ASH1L: variants seen among roughly 807,000 people sequenced by gnomAD.
ASH1L encodes histone-lysine N-methyltransferase ASH1L.
In ASH1L, 23 loss-of-function variants were observed where a neutral mutation model predicts 269.0. That is an observed-to-expected ratio of 0.09 (90% CI 0.06 to 0.12). The LOEUF is 0.12. Ranked by LOEUF, ASH1L falls within the 10% of genes least tolerant of loss-of-function variation. The pLI is 1.00. For synonymous variants in ASH1L, 1,187 were observed against 1,253.5 expected (o/e 0.95, Z 1.12); for missense variants, 2,912 against 3,567.8 (o/e 0.82, Z 4.68).
intron 2 of ASH1L, among the ~76,000 whole-genome samples, chr1:155,513,579 A>AC (rs1265809696): frequency 2.6e-5 from 4 of 151,970 alleles, no homozygotes; most frequent in African/African-American, 9.7e-5. Flanking sequence ...ATCAAAAAAA[A>AC]AAAAAAAAAA....
chr1:155,376,846 C>T (rs935960964), intron 10 of ASH1L, among the ~76,000 whole-genome samples: 17 of 150,194 alleles, frequency 1.1e-4, no homozygotes, highest in African/African-American at 3.7e-4. Flanking sequence ...CAGAGCTAGA[C>T]TCCATCTCAG....
intron 2 of ASH1L, among the ~76,000 whole-genome samples, chr1:155,507,293 A>G (rs183705867): frequency 6.6e-6 from 1 of 152,286 alleles, no homozygotes; most frequent in East Asian, 1.9e-4. Context: ...AAAAAAAAAA[A>G]AACGCTTCAC....
chr1:155,470,614 C>T (rs1349260879), intron 3 of ASH1L, among the ~76,000 whole-genome samples: 1 of 146,140 alleles, frequency 6.8e-6, no homozygotes, highest in Non-Finnish European at 1.5e-5. Context: ...TGCAATGGTG[C>T]AATCTCGGCT....
intron 19 of ASH1L, among the ~76,000 whole-genome samples, chr1:155,348,799 TGAACCCG>T (rs1481118486): frequency 6.6e-6 from 1 of 151,878 alleles, no homozygotes; most frequent in East Asian, 1.9e-4. Context: ...GAGAATCGCT[TGAACCCG>T]GGAGGTGGAG....
intron 4 of ASH1L, among the ~76,000 whole-genome samples, chr1:155,456,887 C>T (rs1019656628): frequency 7.2e-5 from 11 of 152,166 alleles, no homozygotes; most frequent in East Asian, 1.9e-4. Flanking sequence ...CACCCCCCAC[C>T]GCCAAAAGGA....
intron 4 of ASH1L, among the ~76,000 whole-genome samples, chr1:155,455,036 G>C (rs1663776156): frequency 6.6e-6 from 1 of 152,084 alleles, no homozygotes; most frequent in Non-Finnish European, 1.5e-5. Context: ...AAACACTATT[G>C]AAGGGATTTA....
Position 155,479,483 on chromosome 1 carries a change from T to C in ASH1L, c.3387A>G (p.Glu1129=). Reference sequence around the variant, plus strand: ...AATGCAAATATGGCACTGAACTGGGTTCAACAAAACCTGCATCACTACTTA... The same window carrying C: ...AATGCAAATATGGCACTGAACTGGGCTCAACAAAACCTGCATCACTACTTA... ...SPVSSDAGFV[E]PSSVPYLHLH... The change falls in exon 3 of 28, where the codon GAA becomes GAG. Residue 1129 remains glutamate (E), a synonymous_variant. Coordinates refer to ENST00000392403, the MANE Select transcript of ASH1L (RefSeq NM_018489.3). The C allele has an allele frequency of 6.2e-7, 1 of 1,614,064 alleles. No individual in the cohort carries two copies. The highest frequency in any genetic ancestry group is 8.5e-7 in the Non-Finnish European group (1 of 1,179,990).
chr1:155,551,062 C>T (rs1259195602), intron 1 of ASH1L, among the ~76,000 whole-genome samples: 1 of 152,098 alleles, frequency 6.6e-6, no homozygotes, highest in African/African-American at 2.4e-5. Context: ...CTCAAGCAAT[C>T]CCCCCACCTC....
At chr1:155,341,377 C>T (rs969538020) in intron 25 of ASH1L, among the ~76,000 whole-genome samples, 8 of 152,090 alleles carry the variant, frequency 5.3e-5, no homozygotes, top group South Asian at 2.1e-4. Flanking sequence ...GGGGTTTCAC[C>T]GTGTTAGCCA....
At chr1:155,490,730 G>T (rs1266717292) in intron 2 of ASH1L, among the ~76,000 whole-genome samples, 1 of 151,906 alleles carries the variant, frequency 6.6e-6, no homozygotes, top group Non-Finnish European at 1.5e-5. Flanking sequence ...GCTGAGGCAG[G>T]AGGATTACTT....
intron 6 of ASH1L, among the ~76,000 whole-genome samples, chr1:155,405,417 A>T (rs1438413376): frequency 6.6e-6 from 1 of 152,002 alleles, no homozygotes; most frequent in Non-Finnish European, 1.5e-5. Flanking sequence ...AAGAGGGGGA[A>T]GTTGCAGTGA....
chr1:155,459,875 G>T lies in ASH1L; in HGVS notation c.5008C>A (p.Pro1670Thr). The change falls in exon 4 of 28, where the codon CCC becomes ACC. Residue 1670 changes from proline (P) to threonine (T), a missense_variant. Transcript: ENST00000392403. Reference sequence around the variant, plus strand: ...GTGCTCTCTGATGGCCGCTGGGAGGGTTTATCAGAGGTTGGCTGGGAGCCT... The same window carrying T: ...GTGCTCTCTGATGGCCGCTGGGAGGTTTTATCAGAGGTTGGCTGGGAGCCT... ...LAGSQPTSDKPSQRPSESTNC... is the reference protein window; with the variant it reads ...LAGSQPTSDKTSQRPSESTNC... The T allele has an allele frequency of 6.2e-7, 1 of 1,606,816 alleles. No homozygotes were observed. The highest frequency in any genetic ancestry group is 2.3e-5 in the East Asian group (1 of 44,440).
At position 155,479,377 on chromosome 1, in the gene ASH1L, T is replaced by A. The variant is rs199883908; in HGVS notation, c.3493A>T (p.Thr1165Ser). The A allele has an allele frequency of 6.2e-7, 1 of 1,614,128 alleles. No homozygotes were observed. Residue 1165 changes from threonine (T) to serine (S), a missense_variant, in exon 3 of 28, where the codon ACT (threonine) becomes TCT (serine). Thr to Ser is a moderately conservative substitution (Grantham distance 58, BLOSUM62 1). Coordinates refer to ENST00000392403, the MANE Select transcript of ASH1L (RefSeq NM_018489.3). ...SKGRRRLSPP[T>S]LLPNSPSHLS... The stretch of plus-strand genomic sequence containing the variant: ...TGCGAAGGAGAATTTGGCAACAAAG[T>A]AGGAGGAGATAACCGCCTCCTCCCC...
intron 12 of ASH1L, 113 bp from the exon 13 acceptor site, chr1:155,360,522 C>G (rs1654854039): frequency 1.6e-6 from 1 of 622,858 alleles, no homozygotes; most frequent in African/African-American, 1.9e-5. Context: ...TGGCTCACCG[C>G]AACCTCCGCT....
chr1:155,459,880 T>C lies in ASH1L; in HGVS notation c.5003A>G (p.Asp1668Gly). Residue 1668 changes from aspartate to glycine, a missense_variant, in exon 4 of 28, where the codon GAT becomes GGT. Coordinates refer to ENST00000392403, the MANE Select transcript of ASH1L (RefSeq NM_018489.3). ...CTCTGATGGCCGCTGGGAGGGTTTATCAGAGGTTGGCTGGGAGCCTGGAGA... is the reference window on the plus strand; with the variant it reads ...CTCTGATGGCCGCTGGGAGGGTTTACCAGAGGTTGGCTGGGAGCCTGGAGA... ...QTLAGSQPTS[D>G]KPSQRPSEST... The C allele has an allele frequency of 1.2e-6, 2 of 1,604,192 alleles. No individual in the cohort carries two copies. The highest frequency in any genetic ancestry group is 2.2e-5 in the South Asian group (2 of 89,026).
chr1:155,478,527 C>T lies in ASH1L; in HGVS notation c.4343G>A (p.Arg1448Gln), dbSNP rs144936221. The change falls in exon 3 of 28, where the codon CGA becomes CAA. Residue 1448 changes from arginine to glutamine, a missense_variant. Arg to Gln is a conservative substitution (Grantham distance 43). Coordinates refer to ENST00000392403, the MANE Select transcript of ASH1L (RefSeq NM_018489.3). The surrounding 1 kb of genome is among the most constrained non-coding windows in gnomAD (Gnocchi z 4.6). The part of the protein sequence containing the change: ...KYHKKKHKLL[R>Q]QEAFLTTSRT... ...GCTGGTTGTAAGAAAGGCCTCCTGT[C>T]GAAGTAGCTTATGCTTTTTCTTATG... 6.2e-7 allele frequency: 1 copy of T among 1,613,950 alleles called. No individual in the cohort carries two copies. Among genetic ancestry groups the T allele is most frequent in the Non-Finnish European group, 8.5e-7 (1 of 1,180,004 alleles).
At chr1:155,367,206 C>G (rs979765313) in intron 12 of ASH1L, among the ~76,000 whole-genome samples, 5 of 152,124 alleles carry the variant, frequency 3.3e-5, no homozygotes, top group Non-Finnish European at 7.3e-5. Flanking sequence ...GTTGGTCAGA[C>G]TGGTCTCAAA....
At chr1:155,426,077 T>C (rs1661133942) in intron 5 of ASH1L, among the ~76,000 whole-genome samples, 1 of 151,582 alleles carries the variant, frequency 6.6e-6, no homozygotes, top group South Asian at 2.1e-4. Flanking sequence ...TATTTATTTA[T>C]TTTTTAAGAC....
chr1:155,347,546 AG>A, intron 20 of ASH1L, 109 bp downstream of exon 20: 2 of 1,374,004 alleles, frequency 1.5e-6, no homozygotes, highest in Non-Finnish European at 2.0e-6. Context: ...GCTAAGTTAC[AG>A]TTCATAAACA....
Sources: gnomAD v4.1 joint callset for allele counts (sites outside exome capture counted in the v4.1 genomes callset) on GRCh38, gnomAD v4.1.1 for gene constraint, Gnocchi (gnomAD v3.1) non-coding constraint, MANE v1.5 for transcripts, NCBI Gene and HGNC (gene_info 2026-07-23, HGNC 2026-07-21) for gene names.